MAGI2: variants seen among roughly 807,000 people sequenced by gnomAD.
The protein encoded by MAGI2 is membrane-associated guanylate kinase, WW and PDZ domain-containing protein 2.
A neutral mutation model predicts 133.3 loss-of-function variants in MAGI2; 35 were observed. The ratio of observed to expected loss-of-function variants is 0.26; its 90% CI spans 0.20 to 0.35. The LOEUF (loss-of-function observed/expected upper bound fraction) is 0.35. MAGI2 is among the 10% of genes least tolerant of loss of function. The probability of loss-of-function intolerance (pLI) is 1.00; values close to 1 mark genes in which losing one functional copy is unlikely to be tolerated. For synonymous variants in MAGI2, 729 were observed against 710.6 expected (o/e 1.03, Z -0.41); for missense variants, 1,636 against 1,863.4 (o/e 0.88, Z 2.25).
At chr7:78,513,039 T>C (rs1450967479) in intron 4 of MAGI2, among the ~76,000 whole-genome samples, 2 of 152,084 alleles carry the variant, frequency 1.3e-5, no homozygotes, top group Non-Finnish European at 2.9e-5. Flanking sequence ...AAGAAACTGA[T>C]ACAAATGTTG....
chr7:78,484,842 G>T (rs1383127821), intron 6 of MAGI2: 1 of 151,956 alleles, frequency 6.6e-6, no homozygotes, highest in African/African-American at 2.4e-5. Flanking sequence ...CCCATTTACA[G>T]GTAAGAAAAT....
intron 6 of MAGI2, among the ~76,000 whole-genome samples, chr7:78,465,287 A>C (rs750681781): frequency 8.5e-5 from 13 of 152,206 alleles, no homozygotes; most frequent in Non-Finnish European, 1.8e-4. Context: ...GGTTCCTAGC[A>C]TATGAATCTT....
At chr7:78,106,359 C>T (rs1015887117) in intron 20 of MAGI2, among the ~76,000 whole-genome samples, 3 of 152,052 alleles carry the variant, frequency 2.0e-5, no homozygotes, top group African/African-American at 7.2e-5. Context: ...GATTTCCTTT[C>T]TTTTGAGTAC....
At chr7:78,055,052 G>GT (rs201386949) in intron 21 of MAGI2, among the ~76,000 whole-genome samples, 3 of 152,054 alleles carry the variant, frequency 2.0e-5, no homozygotes, top group Non-Finnish European at 2.9e-5. Context: ...ACAGGCGTGT[G>GT]TTTTTTTTAA....
intron 1 of MAGI2, among the ~76,000 whole-genome samples, chr7:79,384,653 C>T (rs956887111): frequency 1.3e-5 from 2 of 151,534 alleles, no homozygotes; most frequent in African/African-American, 2.4e-5. Flanking sequence ...TAAATATTTG[C>T]AAACTTACCA....
At chr7:78,669,047 A>G (rs1174096574) in intron 2 of MAGI2, among the ~76,000 whole-genome samples, 1 of 152,178 alleles carries the variant, frequency 6.6e-6, no homozygotes, top group Non-Finnish European at 1.5e-5. Flanking sequence ...AAAAGCTAAC[A>G]GAAGGCAAGA....
chr7:78,639,467 T>C (rs539710713), intron 2 of MAGI2, among the ~76,000 whole-genome samples: 2 of 152,278 alleles, frequency 1.3e-5, no homozygotes, highest in African/African-American at 4.8e-5. Context: ...ATGAGGTGCT[T>C]TTATTCTTGC....
At chr7:79,439,020 C>A (rs536389851) in intron 1 of MAGI2, among the ~76,000 whole-genome samples, 1 of 152,178 alleles carries the variant, frequency 6.6e-6, no homozygotes, top group South Asian at 2.1e-4. Flanking sequence ...AGTTTCCTTT[C>A]TGGAAAAATC....
intron 1 of MAGI2, among the ~76,000 whole-genome samples, chr7:79,024,870 T>A (rs1322183380): frequency 1.3e-5 from 2 of 152,096 alleles, no homozygotes; most frequent in Admixed American, 6.6e-5. Flanking sequence ...CTGGCGAGGT[T>A]GTGGAGAAAA....
At chr7:78,604,068 A>G (rs762596568) in intron 3 of MAGI2, among the ~76,000 whole-genome samples, 1 of 152,234 alleles carries the variant, frequency 6.6e-6, no homozygotes, top group African/African-American at 2.4e-5. Context: ...TTCTGATGAA[A>G]CATAATTATG....
intron 2 of MAGI2, among the ~76,000 whole-genome samples, chr7:78,808,278 A>G (rs1442638073): frequency 2.0e-5 from 3 of 151,888 alleles, no homozygotes; most frequent in African/African-American, 7.3e-5. Flanking sequence ...TTTTTTTGAG[A>G]CAGAGTCTCG....
At chr7:79,246,205 G>A (rs74499802) in intron 1 of MAGI2, among the ~76,000 whole-genome samples, 5,619 of 152,140 alleles carry the variant, frequency 0.037, 163 homozygotes, top group African/African-American at 0.073. Flanking sequence ...AGATGGTGGC[G>A]GCTAAAATAA....
At chr7:78,714,645 C>G (rs568697071) in intron 2 of MAGI2, among the ~76,000 whole-genome samples, 2 of 152,280 alleles carry the variant, frequency 1.3e-5, no homozygotes, top group Admixed American at 6.5e-5. Flanking sequence ...TGTACGTTAT[C>G]TGTATTATTC....
intron 1 of MAGI2, among the ~76,000 whole-genome samples, chr7:79,372,043 A>G (rs1251119253): frequency 6.6e-6 from 1 of 152,154 alleles, no homozygotes; most frequent in African/African-American, 2.4e-5. Flanking sequence ...CTAGTGTATC[A>G]TTCTATTTTA....
At chr7:78,051,169 G>T (rs1811964869) in intron 21 of MAGI2, among the ~76,000 whole-genome samples, 1 of 152,232 alleles carries the variant, frequency 6.6e-6, no homozygotes, top group South Asian at 2.1e-4. Context: ...CATTTCAGAA[G>T]AAAGCCATAG....
At chr7:78,751,048 T>G (rs1823407263) in intron 2 of MAGI2, among the ~76,000 whole-genome samples, 1 of 152,168 alleles carries the variant, frequency 6.6e-6, no homozygotes, top group African/African-American at 2.4e-5. Flanking sequence ...AGAAATACAC[T>G]GGACTTTAAA....
chr7:78,389,540 T>G (rs1327763248), intron 6 of MAGI2, among the ~76,000 whole-genome samples: 2 of 152,184 alleles, frequency 1.3e-5, no homozygotes, highest in African/African-American at 2.4e-5. Context: ...CTGGGAGAGA[T>G]AAAATGTTGT....
At chr7:78,549,767 A>G (rs1372958726) in intron 3 of MAGI2, among the ~76,000 whole-genome samples, 1 of 152,214 alleles carries the variant, frequency 6.6e-6, no homozygotes, top group Non-Finnish European at 1.5e-5. Flanking sequence ...ATAATATGTC[A>G]ATGTATTAAT....
intron 2 of MAGI2, among the ~76,000 whole-genome samples, chr7:78,902,773 G>A (rs950901738): frequency 1.3e-5 from 2 of 152,056 alleles, no homozygotes; most frequent in Non-Finnish European, 2.9e-5. Flanking sequence ...AAACACAAAA[G>A]CTCAATTGGA....
Sources: gnomAD v4.1 joint callset for allele counts (sites outside exome capture counted in the v4.1 genomes callset) on GRCh38, gnomAD v4.1.1 for gene constraint, MANE v1.5 for transcripts, NCBI Gene and HGNC (gene_info 2026-07-23, HGNC 2026-07-21) for gene names.